CYP7B1: variants seen among roughly 807,000 people sequenced by gnomAD.
CYP7B1 encodes cytochrome P450 7B1.
Under a neutral mutation model 42.7 loss-of-function variants are expected in CYP7B1, and 29 were observed. That is an observed-to-expected ratio of 0.68 (90% CI 0.51 to 0.93). The LOEUF (loss-of-function observed/expected upper bound fraction) is 0.93. CYP7B1 is among the 40% of genes least tolerant of loss of function. The pLI, the probability that CYP7B1 is intolerant of heterozygous loss-of-function variation, is 0.00. For missense variants in CYP7B1, 655 were observed against 600.5 expected (o/e 1.09, Z -0.95); for synonymous variants, 235 against 218.2 (o/e 1.08, Z -0.68).
chr8:64,739,492 A>C (rs1484877891), intron 1 of CYP7B1, among the ~76,000 whole-genome samples: 2 of 152,238 alleles, frequency 1.3e-5, no homozygotes, highest in African/African-American at 4.8e-5. Flanking sequence ...ACACCTAGCA[A>C]GACTTCAATA....
Position 64,616,247 on chromosome 8 carries a change from C to T in CYP7B1, c.294G>A (p.Gln98=). The change falls in exon 3 of 6, where the codon CAG becomes CAA. Residue 98 remains glutamine (Q), a synonymous_variant. Coordinates refer to ENST00000310193, the MANE Select transcript of CYP7B1 (RefSeq NM_004820.5). ...TATGATTTTTTATCACTAGCTGGTA[C>T]TGGAAGGGGTCCAGGATAAATGTTA... ...KYITFILDPF[Q]YQLVIKNHKQ... 2 of 1,604,676 alleles carry T rather than the reference C, an allele frequency of 1.2e-6. No homozygotes were observed. The highest frequency in any genetic ancestry group is 8.5e-7 in the Non-Finnish European group (1 of 1,175,778).
chr8:64,741,343 C>T (rs1807564306), intron 1 of CYP7B1, among the ~76,000 whole-genome samples: 1 of 150,968 alleles, frequency 6.6e-6, no homozygotes, highest in African/African-American at 2.4e-5. Context: ...TTTTTTGAGA[C>T]AGTTTTGCTC....
chr8:64,735,305 G>A (rs1427360000), intron 1 of CYP7B1, among the ~76,000 whole-genome samples: 1 of 152,112 alleles, frequency 6.6e-6, no homozygotes, highest in African/African-American at 2.4e-5. Flanking sequence ...CACAGACACA[G>A]GAGAGGGTCA....
At chr8:64,704,720 T>G (rs951242869) in intron 1 of CYP7B1, among the ~76,000 whole-genome samples, 1 of 152,202 alleles carries the variant, frequency 6.6e-6, no homozygotes, top group African/African-American at 2.4e-5. Flanking sequence ...GTTCTGGCTT[T>G]GAGAAATATC....
chr8:64,620,068 C>T (rs150538900), intron 2 of CYP7B1, among the ~76,000 whole-genome samples: 3 of 152,142 alleles, frequency 2.0e-5, no homozygotes, highest in African/African-American at 7.2e-5. Flanking sequence ...CACCTGTGGT[C>T]CCAGCTACTC....
intron 1 of CYP7B1, among the ~76,000 whole-genome samples, chr8:64,685,001 T>TA (rs1055624013): frequency 1.1e-4 from 16 of 152,176 alleles, no homozygotes; most frequent in African/African-American, 3.6e-4. Flanking sequence ...AGGCATTGTG[T>TA]AAAACAGTCT....
chr8:64,754,892 T>A (rs1807784383), intron 1 of CYP7B1, among the ~76,000 whole-genome samples: 1 of 152,128 alleles, frequency 6.6e-6, no homozygotes, highest in Non-Finnish European at 1.5e-5. Flanking sequence ...GAATTTCAGA[T>A]CAAGAAATGA....
At chr8:64,619,097 T>G (rs2129630299) in intron 2 of CYP7B1, among the ~76,000 whole-genome samples, 1 of 152,316 alleles carries the variant, frequency 6.6e-6, no homozygotes, top group African/African-American at 2.4e-5. Flanking sequence ...CAATTTAAGC[T>G]AAGTTTTCCA....
At chr8:64,672,697 C>A (rs907571681) in intron 1 of CYP7B1, among the ~76,000 whole-genome samples, 1 of 152,168 alleles carries the variant, frequency 6.6e-6, no homozygotes, top group Admixed American at 6.6e-5. Context: ...GGCCAAGTAA[C>A]CACTTCAGAT....
chr8:64,681,476 T>C (rs1450653522), intron 1 of CYP7B1, among the ~76,000 whole-genome samples: 1 of 152,202 alleles, frequency 6.6e-6, no homozygotes, highest in Non-Finnish European at 1.5e-5. Flanking sequence ...AAGGATGGAT[T>C]TGTGTGACAA....
At chr8:64,654,152 T>A (rs561895902) in intron 1 of CYP7B1, among the ~76,000 whole-genome samples, 1 of 152,264 alleles carries the variant, frequency 6.6e-6, no homozygotes, top group South Asian at 2.1e-4. Context: ...TTCAACATAG[T>A]ATTGGAAGTC....
intron 1 of CYP7B1, among the ~76,000 whole-genome samples, chr8:64,626,612 A>C (rs1393830490): frequency 6.6e-6 from 1 of 152,228 alleles, no homozygotes; most frequent in African/African-American, 2.4e-5. Context: ...TATCAGTTAA[A>C]AAACAAGTTT....
In CYP7B1 at chr8:64,596,278, T is replaced by C. The variant is rs1424530887; in HGVS notation, c.*364A>G. ...CACAATTTTCTAGTAGTTCAAAGTG[T>C]AATTTTACATATTAGAGAACAATTT... On this transcript the variant is annotated 3_prime_UTR_variant, in exon 6 of 6. Transcript: ENST00000310193. 1.7e-5 allele frequency: 3 copies of C among 178,496 alleles called. No homozygotes were observed. Among genetic ancestry groups the C allele is most frequent in the Admixed American group, 5.7e-5 (1 of 17,584 alleles). 11.1% of individuals were successfully genotyped at this position (178,496 alleles called of 1,614,324 possible).
At chr8:64,614,537 A>G (rs557872154) in intron 4 of CYP7B1, among the ~76,000 whole-genome samples, 2 of 151,848 alleles carry the variant, frequency 1.3e-5, no homozygotes, top group South Asian at 2.1e-4. Context: ...CGAACTTCCA[A>G]TGGAAAACTG....
chr8:64,798,542 G>T lies in CYP7B1; in HGVS notation c.46C>A (p.Arg16=), dbSNP rs1470030120. 3 of 1,495,260 alleles carry T rather than the reference G, an allele frequency of 2.0e-6. No homozygotes were observed. Among genetic ancestry groups the T allele is most frequent in the Non-Finnish European group, 2.7e-6 (3 of 1,131,276 alleles). 92.6% of individuals were successfully genotyped at this position (1,495,260 alleles called of 1,614,324 possible). A position where few individuals can be genotyped will look rare whatever the true frequency, so the allele number is the denominator to read the frequency against. The change falls in exon 1 of 6, where the codon CGG becomes AGG. Residue 16 remains arginine (R), a synonymous_variant. Transcript: ENST00000310193. ...SAATGRFSLE[R]LGLPGLALAA... The stretch of plus-strand genomic sequence containing the variant: ...AGGGCCAGGCCCGGGAGGCCCAACC[G>T]CTCCAGCGAAAAGCGGCCCGTGGCC...
At chr8:64,624,301 T>C (rs181969783) in intron 2 of CYP7B1, 102 bp downstream of exon 2, 1 of 1,117,474 alleles carries the variant, frequency 8.9e-7, no homozygotes, top group Admixed American at 2.2e-5. Flanking sequence ...AAAATAAAAA[T>C]ATACAAATAT....
rs1805086685 is a variant in CYP7B1 at position 64,594,375 on chromosome 8, T to G, written c.*2267A>C. Among the ~76,000 whole-genome samples the G allele has an allele frequency of 1.3e-5, 2 of 152,172 alleles. No individual in the cohort carries two copies. The highest frequency in any genetic ancestry group is 2.9e-5 in the Non-Finnish European group (2 of 68,032). On this transcript the variant is annotated 3_prime_UTR_variant, in exon 6 of 6. Transcript: ENST00000310193. ...ATACTATGTATATACTACAGAAATA[T>G]GAATATATCTTTAAAATCACAGAGC...
chr8:64,708,813 T>C (rs1317310434), intron 1 of CYP7B1, among the ~76,000 whole-genome samples: 2 of 152,170 alleles, frequency 1.3e-5, no homozygotes, highest in Admixed American at 1.3e-4. Flanking sequence ...AAAATCATAG[T>C]CAGAAATATT....
chr8:64,601,076 T>A (rs1297134941), intron 5 of CYP7B1, among the ~76,000 whole-genome samples: 5 of 152,248 alleles, frequency 3.3e-5, no homozygotes, highest in Non-Finnish European at 7.3e-5. Context: ...TTGAGAGTAC[T>A]TCTTTATCTG....
Sources: gnomAD v4.1 joint callset for allele counts (sites outside exome capture counted in the v4.1 genomes callset) on GRCh38, gnomAD v4.1.1 for gene constraint, MANE v1.5 for transcripts, NCBI Gene and HGNC (gene_info 2026-07-23, HGNC 2026-07-21) for gene names.